The following OPCML variants were observed in gnomAD, a reference collection of about 807,000 sequenced individuals.
The protein encoded by OPCML is opioid-binding protein/cell adhesion molecule.
Under a neutral mutation model 37.8 loss-of-function variants are expected in OPCML, and 13 were observed. That is an observed-to-expected ratio of 0.34 (90% CI 0.22 to 0.55). OPCML has a LOEUF of 0.55. Ranked by LOEUF, OPCML falls within the 20% of genes least tolerant of loss-of-function variation. OPCML has a pLI of 0.91. For synonymous variants in OPCML, 176 were observed against 168.8 expected (o/e 1.04, Z -0.33); for missense variants, 341 against 435.6 (o/e 0.78, Z 1.93).
At chr11:132,448,920 A>T (rs2096061972) in intron 4 of OPCML, among the ~76,000 whole-genome samples, 1 of 152,204 alleles carries the variant, frequency 6.6e-6, no homozygotes, top group South Asian at 2.1e-4. Context: ...GTCACTATCC[A>T]TTTTAATGTT....
chr11:133,194,129 T>C (rs910718960), intron 1 of OPCML, among the ~76,000 whole-genome samples: 2 of 151,958 alleles, frequency 1.3e-5, no homozygotes, highest in Admixed American at 1.3e-4. Flanking sequence ...TGTCTAAGTC[T>C]GTCCAAACCT....
intron 4 of OPCML, among the ~76,000 whole-genome samples, chr11:132,505,129 A>C (rs959246391): frequency 6.6e-6 from 1 of 152,198 alleles, no homozygotes; most frequent in Admixed American, 6.5e-5. Context: ...AAATATTTGA[A>C]GAGTAGAATT....
intron 1 of OPCML, among the ~76,000 whole-genome samples, chr11:133,529,579 C>T (rs1044500485): frequency 2.4e-4 from 36 of 152,258 alleles, no homozygotes; most frequent in African/African-American, 5.5e-4. Flanking sequence ...AGGTACCAGG[C>T]GACAACAGCA....
At chr11:133,059,437 G>A (rs1310671476) in intron 1 of OPCML, among the ~76,000 whole-genome samples, 1 of 152,206 alleles carries the variant, frequency 6.6e-6, no homozygotes, top group Non-Finnish European at 1.5e-5. Flanking sequence ...TGCAAAAGCA[G>A]TGGTGGGTAA....
intron 2 of OPCML, among the ~76,000 whole-genome samples, chr11:132,889,052 T>C (rs1943537597): frequency 6.6e-6 from 1 of 152,042 alleles, no homozygotes; most frequent in Admixed American, 6.6e-5. Flanking sequence ...CCAGGTACAG[T>C]GAGAGAATGA....
intron 2 of OPCML, among the ~76,000 whole-genome samples, chr11:132,889,327 T>A (rs35206616): frequency 1.3e-5 from 2 of 152,042 alleles, no homozygotes; most frequent in South Asian, 4.1e-4. Flanking sequence ...TCTGTTCAAA[T>A]GTCCATGGGA....
chr11:132,489,982 T>C (rs2096210901), intron 4 of OPCML, among the ~76,000 whole-genome samples: 1 of 152,120 alleles, frequency 6.6e-6, no homozygotes, highest in African/African-American at 2.4e-5. Flanking sequence ...AGAATGATGG[T>C]TTCCAGCTTC....
intron 1 of OPCML, among the ~76,000 whole-genome samples, chr11:133,175,070 C>T (rs72653407): frequency 0.13 from 19,214 of 152,258 alleles, 1,468 homozygotes; most frequent in Middle Eastern, 0.19. Flanking sequence ...TGCCCCTGCA[C>T]GCCTTGTTAA....
intron 2 of OPCML, among the ~76,000 whole-genome samples, chr11:132,686,906 A>C (rs1255032211): frequency 6.6e-6 from 1 of 152,110 alleles, no homozygotes; most frequent in African/African-American, 2.4e-5. Context: ...GTGGCACAGA[A>C]AACCAGACCT....
intron 1 of OPCML, among the ~76,000 whole-genome samples, chr11:132,952,855 C>A (rs1945892205): frequency 1.3e-5 from 2 of 152,112 alleles, no homozygotes; most frequent in Non-Finnish European, 2.9e-5. Context: ...ATAGTCAATT[C>A]CTTTTTTCCA....
At chr11:132,818,429 C>T (rs914490909) in intron 2 of OPCML, among the ~76,000 whole-genome samples, 5 of 151,914 alleles carry the variant, frequency 3.3e-5, no homozygotes, top group Middle Eastern at 3.4e-3. Context: ...AAAAGACTCA[C>T]GATCTAGCGC....
intron 1 of OPCML, among the ~76,000 whole-genome samples, chr11:133,497,437 C>T (rs1391018909): frequency 6.6e-6 from 1 of 152,016 alleles, no homozygotes; most frequent in Admixed American, 6.6e-5. Flanking sequence ...TTTTGGATTG[C>T]CTTTCATTGA....
chr11:132,476,605 C>G (rs1300560026), intron 4 of OPCML, among the ~76,000 whole-genome samples: 1 of 152,022 alleles, frequency 6.6e-6, no homozygotes, highest in Non-Finnish European at 1.5e-5. Context: ...AACCCAAACA[C>G]CGCATGTTCT....
chr11:132,503,763 T>G (rs2096250648), intron 4 of OPCML, among the ~76,000 whole-genome samples: 1 of 152,054 alleles, frequency 6.6e-6, no homozygotes, highest in Non-Finnish European at 1.5e-5. Context: ...TTTCAGAAAT[T>G]TAGCCAATGC....
chr11:133,386,471 C>A (rs1452928099), intron 1 of OPCML, among the ~76,000 whole-genome samples: 1 of 152,196 alleles, frequency 6.6e-6, no homozygotes, highest in East Asian at 1.9e-4. Flanking sequence ...CAGCTCCCAA[C>A]AACGGCACTT....
intron 1 of OPCML, among the ~76,000 whole-genome samples, chr11:133,440,721 C>T (rs13377229): frequency 0.042 from 5,698 of 135,722 alleles, 152 homozygotes; most frequent in Non-Finnish European, 0.058. Flanking sequence ...AACGAAACTC[C>T]CTCTCAGGGA....
chr11:133,519,169 G>T (rs78415447), intron 1 of OPCML, among the ~76,000 whole-genome samples: 2,770 of 152,198 alleles, frequency 0.018, 85 homozygotes, highest in African/African-American at 0.062. Context: ...GCCCTTCCTT[G>T]TCTCTGGCTT....
chr11:133,311,768 G>A (rs1372040497), intron 1 of OPCML, among the ~76,000 whole-genome samples: 1 of 152,188 alleles, frequency 6.6e-6, no homozygotes, highest in Non-Finnish European at 1.5e-5. Flanking sequence ...CAAGGCCCAG[G>A]TTTGGGGAAA....
At chr11:133,140,665 A>AG (rs1949767907) in intron 1 of OPCML, among the ~76,000 whole-genome samples, 1 of 27,414 alleles carries the variant, frequency 3.6e-5, no homozygotes, top group Non-Finnish European at 1.1e-4. Context: ...GAAGAAAAGA[A>AG]GAAAAGAAGA....
Sources: gnomAD v4.1 joint callset for allele counts (sites outside exome capture counted in the v4.1 genomes callset) on GRCh38, gnomAD v4.1.1 for gene constraint, MANE v1.5 for transcripts, NCBI Gene and HGNC (gene_info 2026-07-23, HGNC 2026-07-21) for gene names.